USP22: variants seen among roughly 807,000 people sequenced by gnomAD.
USP22 encodes the protein ubiquitin carboxyl-terminal hydrolase 22.
Under a neutral mutation model 68.1 loss-of-function variants are expected in USP22, and 22 were observed. That is an observed-to-expected ratio of 0.32 (90% CI 0.23 to 0.46). USP22 has a LOEUF of 0.46. Ranked by LOEUF, USP22 falls within the 20% of genes least tolerant of loss-of-function variation. The pLI is 1.00. For missense variants in USP22, 433 were observed against 695.8 expected, an observed-to-expected ratio of 0.62 and a Z score of 4.25; for synonymous variants, 279 against 274.2, an observed-to-expected ratio of 1.02 and a Z score of -0.17.
At chr17:21,006,822 G>C in intron 10 of USP22, 74 bp downstream of exon 10, 1 of 1,267,546 alleles carries the variant, frequency 7.9e-7, no homozygotes, top group Non-Finnish European at 1.1e-6. Flanking sequence ...CTTAATAGGA[G>C]CTCCGAGCTG....
At position 21,003,098 on chromosome 17, in the gene USP22, G is replaced by A. The variant is rs199866411; in HGVS notation, c.1536-25C>T. 66 of 1,613,462 alleles carry A rather than the reference G, an allele frequency of 4.1e-5. No homozygotes were observed. The East Asian group carries it at 1.3e-3, about 32-fold the overall frequency. On this transcript the variant is annotated intron_variant, in intron 12 of 12. Transcript: ENST00000261497. The stretch of plus-strand genomic sequence containing the variant: ...CCTGTGGAGGCAGAGAGAGGGAGGA[G>A]GCTCACCTCTAACTCCTAAGACAGG...
intron 2 of USP22, among the ~76,000 whole-genome samples, chr17:21,025,583 A>G (rs1972209564): frequency 6.6e-6 from 1 of 152,258 alleles, no homozygotes; most frequent in African/African-American, 2.4e-5. Flanking sequence ...CACCAAGACG[A>G]TGGGAACAAC....
chr17:21,020,317 T>C (rs1043582798), intron 3 of USP22, among the ~76,000 whole-genome samples: 36 of 105,430 alleles, frequency 3.4e-4, no homozygotes, highest in African/African-American at 1.3e-3. Context: ...ATAAAGAAAA[T>C]GACTGCATGT....
At chr17:21,030,858 G>A (rs1972281282) in intron 1 of USP22, among the ~76,000 whole-genome samples, 3 of 152,282 alleles carry the variant, frequency 2.0e-5, no homozygotes, top group African/African-American at 4.8e-5. Flanking sequence ...AACAATTCAG[G>A]TATTTAAAGT....
chr17:21,039,709 A>G (rs969373357), intron 1 of USP22, among the ~76,000 whole-genome samples: 2 of 152,196 alleles, frequency 1.3e-5, no homozygotes, highest in South Asian at 2.1e-4. Context: ...TTAGATAACA[A>G]AACTCGTAAT....
intron 2 of USP22, among the ~76,000 whole-genome samples, chr17:21,026,148 C>T (rs1972216728): frequency 6.6e-6 from 1 of 152,256 alleles, no homozygotes; most frequent in South Asian, 2.1e-4. Context: ...AGCCCAGCTA[C>T]TCGGGTGGCT....
chr17:21,031,273 T>C (rs1972287704), intron 1 of USP22, among the ~76,000 whole-genome samples: 1 of 152,204 alleles, frequency 6.6e-6, no homozygotes, highest in African/African-American at 2.4e-5. Context: ...AATACAAATG[T>C]TCATGACTTG....
intron 3 of USP22, among the ~76,000 whole-genome samples, chr17:21,019,794 A>G (rs2143577053): frequency 6.6e-6 from 1 of 152,388 alleles, no homozygotes; most frequent in African/African-American, 2.4e-5. Flanking sequence ...AAGACACAGC[A>G]TGTTGGATAG....
At chr17:21,042,569 G>T in intron 1 of USP22, 96 bp downstream of exon 1, 1 of 1,189,248 alleles carries the variant, frequency 8.4e-7, no homozygotes, top group Non-Finnish European at 1.1e-6. Context: ...AGGCAACGGG[G>T]GAAGGGAAGA....
chr17:21,005,021 A>C (rs1484154735), intron 10 of USP22, 31 bp from the exon 11 acceptor site: 1 of 1,612,358 alleles, frequency 6.2e-7, no homozygotes, highest in South Asian at 1.1e-5. Context: ...ATTCAGCATC[A>C]TTAAAATCAT....
At chr17:21,028,466 G>A in intron 2 of USP22, 76 bp downstream of exon 2, 1 of 1,578,234 alleles carries the variant, frequency 6.3e-7, no homozygotes, top group South Asian at 1.2e-5. Flanking sequence ...TGGAAGAGTG[G>A]AACTGCAAAT....
At chr17:21,004,784 C>A (rs1384578174) in intron 11 of USP22, 144 bp downstream of exon 11, 2 of 146,872 alleles carry the variant, frequency 1.4e-5, no homozygotes, top group Admixed American at 2.0e-4. Flanking sequence ...GAGCTGCGGG[C>A]AGCCAATAGT....
chr17:21,019,934 G>A (rs1972132823), intron 3 of USP22, among the ~76,000 whole-genome samples: 1 of 152,216 alleles, frequency 6.6e-6, no homozygotes, highest in South Asian at 2.1e-4. Flanking sequence ...AAATTTCTGA[G>A]AGGGAAAAGA....
At chr17:21,030,059 G>T (rs768974103) in intron 1 of USP22, among the ~76,000 whole-genome samples, 1 of 151,974 alleles carries the variant, frequency 6.6e-6, no homozygotes, top group African/African-American at 2.4e-5. Flanking sequence ...ATTGTCCCTC[G>T]GTATCTAGGA....
At chr17:21,009,886 T>C (rs1327237335) in intron 8 of USP22, among the ~76,000 whole-genome samples, 2 of 148,796 alleles carry the variant, frequency 1.3e-5, no homozygotes, top group African/African-American at 2.5e-5. Flanking sequence ...ACCTGGGAGG[T>C]GGAGGTTGCA....
In USP22 at chr17:21,002,965, G is replaced by A. The variant is rs78002521; in HGVS notation, c.*66C>T. 2.5e-6 allele frequency: 4 copies of A among 1,595,478 alleles called. No homozygotes were observed. The highest frequency in any genetic ancestry group is 2.6e-6 in the Non-Finnish European group (3 of 1,166,246). On this transcript the variant is annotated 3_prime_UTR_variant, in exon 13 of 13. Transcript: ENST00000261497. ...GGAGACTTGGGGGAGGGGGGGGCCA[G>A]GGAGGATCACTTTGTGAGGCTTGCC...
At chr17:21,041,732 T>C (rs1234286994) in intron 1 of USP22, among the ~76,000 whole-genome samples, 1 of 152,248 alleles carries the variant, frequency 6.6e-6, no homozygotes, top group Non-Finnish European at 1.5e-5. Flanking sequence ...CGGATTGTAA[T>C]CTACAAAAGC....
chr17:21,033,218 C>T (rs540817652), intron 1 of USP22, among the ~76,000 whole-genome samples: 11 of 152,282 alleles, frequency 7.2e-5, no homozygotes, highest in Non-Finnish European at 1.3e-4. Flanking sequence ...CTCCATAGCC[C>T]TTGCAATGAT....
At chr17:21,028,519 C>T in intron 2 of USP22, 23 bp downstream of exon 2, 1 of 1,612,526 alleles carries the variant, frequency 6.2e-7, no homozygotes, top group Non-Finnish European at 8.5e-7. Context: ...CAACTATCCC[C>T]CCATCCCAGA....
Sources: allele counts gnomAD v4.1 joint callset (sites outside exome capture counted in the v4.1 genomes callset), GRCh38; gene constraint gnomAD v4.1.1; transcripts MANE v1.5; gene names NCBI Gene and HGNC (gene_info 2026-07-23, HGNC 2026-07-21).